AKAP13: variants seen among roughly 807,000 people sequenced by gnomAD.
AKAP13 encodes the protein A-kinase anchor protein 13.
Under a neutral mutation model 264.5 loss-of-function variants are expected in AKAP13, and 80 were observed. The observed-to-expected ratio is 0.30, with a 90% CI of 0.25 to 0.36. The LOEUF is 0.36. AKAP13 is among the 10% of genes least tolerant of loss of function. The pLI, the probability that AKAP13 is intolerant of heterozygous loss-of-function variation, is 1.00. For missense variants in AKAP13, 3,712 were observed against 3,435.2 expected, an observed-to-expected ratio of 1.08 and a Z score of -2.01; for synonymous variants, 1,380 against 1,250.2, an observed-to-expected ratio of 1.10 and a Z score of -2.19.
intron 5 of AKAP13, among the ~76,000 whole-genome samples, chr15:85,548,627 C>T (rs1032739865): frequency 6.6e-6 from 1 of 152,040 alleles, no homozygotes; most frequent in African/African-American, 2.4e-5. Flanking sequence ...CTTTGTTAAA[C>T]TCTAAGATAC....
At chr15:85,719,365 G>A in intron 23 of AKAP13, 39 bp downstream of exon 23, 1 of 1,602,966 alleles carries the variant, frequency 6.2e-7, no homozygotes, top group South Asian at 1.1e-5. Flanking sequence ...ACATACACTG[G>A]GAAAAAGGGA....
intron 8 of AKAP13, among the ~76,000 whole-genome samples, chr15:85,595,529 A>G (rs1246334355): frequency 6.6e-6 from 1 of 152,246 alleles, no homozygotes; most frequent in African/African-American, 2.4e-5. Flanking sequence ...GAGACATGTT[A>G]TCAGATACCA....
At chr15:85,395,178 AAGG>A (rs2071052883) in intron 1 of AKAP13, among the ~76,000 whole-genome samples, 1 of 152,190 alleles carries the variant, frequency 6.6e-6, no homozygotes, top group Non-Finnish European at 1.5e-5. Context: ...TGATCTCAGA[AAGG>A]AGAAGAATTC....
At chr15:85,633,381 A>AT (rs1171869615) in intron 8 of AKAP13, among the ~76,000 whole-genome samples, 1 of 151,072 alleles carries the variant, frequency 6.6e-6, no homozygotes, top group African/African-American at 2.4e-5. Flanking sequence ...GGGGGGAGTA[A>AT]TTTTTTCCCT....
In AKAP13 at chr15:85,708,011, CT is replaced by C. The variant is rs1408324259; in HGVS notation, c.5465-4del. The C allele has an allele frequency of 3.7e-6, 6 of 1,613,560 alleles. No homozygotes were observed. The African/African-American group carries it at 8.0e-5, about 22-fold the overall frequency. On this transcript the variant is annotated splice_polypyrimidine_tract_variant and splice_region_variant and intron_variant, in intron 17 of 36. Transcript: ENST00000394518. The surrounding 1 kb of genome is among the most constrained non-coding windows in gnomAD (Gnocchi z 4.3). ...GTCCATGTGACCTTGGGTTTGCTTT[CT>C]TTTCAGATTGCAGTGCTTTTGTCCA...
At chr15:85,399,984 T>C (rs1244240298) in intron 1 of AKAP13, among the ~76,000 whole-genome samples, 2 of 152,198 alleles carry the variant, frequency 1.3e-5, no homozygotes, top group Admixed American at 6.5e-5. Flanking sequence ...TTTCTAGAGA[T>C]GGTGTCTCGC....
intron 1 of AKAP13, among the ~76,000 whole-genome samples, chr15:85,444,968 G>A (rs1263915058): frequency 1.3e-5 from 2 of 152,092 alleles, no homozygotes; most frequent in African/African-American, 2.4e-5. Context: ...TTGCAAAGGG[G>A]TCATGCATGT....
chr15:85,737,774 AC>A (rs1211121371), intron 33 of AKAP13, among the ~76,000 whole-genome samples: 3 of 152,070 alleles, frequency 2.0e-5, no homozygotes, highest in African/African-American at 2.4e-5. Flanking sequence ...AGTAGCTGGG[AC>A]TACAGGCCCG....
In AKAP13 at chr15:85,655,723, T is replaced by A; in HGVS notation, c.4681T>A (p.Phe1561Ile). 1 of 1,613,824 alleles carries A rather than the reference T, an allele frequency of 6.2e-7. No individual in the cohort carries two copies. The highest frequency in any genetic ancestry group is 1.1e-5 in the South Asian group (1 of 91,070). ...LRSSMRSLSPFRRHSWGPGKN... is the reference protein window; with the variant it reads ...LRSSMRSLSPIRRHSWGPGKN... ...GAGCTCCATGCGCTCTCTTTCTCCC[T>A]TCCGGAGGCACAGCTGGGGGCCTGG... Residue 1561 changes from phenylalanine (F) to isoleucine (I), a missense_variant, in exon 11 of 37, where the codon TTC becomes ATC. Transcript: ENST00000394518.
Position 85,736,154 on chromosome 15 carries a change from T to C in AKAP13, c.7557+20T>C. The C allele has an allele frequency of 6.4e-7, 1 of 1,574,014 alleles. No individual in the cohort carries two copies. The highest frequency in any genetic ancestry group is 1.1e-5 in the South Asian group (1 of 87,990). On this transcript the variant is annotated intron_variant, in intron 33 of 36. Transcript: ENST00000394518. ...AGTGAGGTAAGGACATTATGAACTA[T>C]TTAAGAAAATATGTGTTTGTTGTCA... is the stretch of plus-strand genomic sequence containing the variant.
chr15:85,472,097 A>G (rs78229200), intron 1 of AKAP13, among the ~76,000 whole-genome samples: 19,542 of 152,034 alleles, frequency 0.13, 1,637 homozygotes, highest in Non-Finnish European at 0.19. Context: ...ATGGTTTTTT[A>G]TGCTGTTACA....
intron 1 of AKAP13, among the ~76,000 whole-genome samples, chr15:85,401,886 C>G (rs923980636): frequency 3.9e-5 from 6 of 151,934 alleles, no homozygotes; most frequent in Admixed American, 2.0e-4. Flanking sequence ...AATAAGAATG[C>G]CAGATTAAAA....
rs550849530 is a variant in AKAP13 at position 85,414,935 on chromosome 15, G to A, written c.-12+34137G>A. 3.4e-5 allele frequency among the ~76,000 whole-genome samples: 3 copies of A among 88,630 alleles called. No homozygotes were observed. The South Asian group carries it at 8.5e-4, about 25-fold the overall frequency. The allele number at this position is 88,630 out of a possible 152,430, so 58.1% of individuals were successfully genotyped here. A position where few individuals can be genotyped will look rare whatever the true frequency, so the allele number is the denominator to read the frequency against. ...GATTCTGGGATTGTTATATGCAATT[G>A]GTGCTTTAGGATGGGAGAAAATCAC... On this transcript the variant is annotated intron_variant, in intron 1 of 36. Coordinates refer to ENST00000394518, the MANE Select transcript of AKAP13 (RefSeq NM_007200.5).
chr15:85,446,414 G>A lies in AKAP13; in HGVS notation c.-11-39296G>A, dbSNP rs911643855. Reference sequence around the variant, plus strand: ...TTTTATGAGAGCTTGAGGTGAGACCGTTAATGAGGATAAAGGACAACGAAT... The same window carrying A: ...TTTTATGAGAGCTTGAGGTGAGACCATTAATGAGGATAAAGGACAACGAAT... On this transcript the variant is annotated intron_variant, in intron 1 of 36. Coordinates refer to ENST00000394518, the MANE Select transcript of AKAP13 (RefSeq NM_007200.5). Among the ~76,000 whole-genome samples, 12 of 152,296 alleles carry A rather than the reference G, an allele frequency of 7.9e-5. No homozygotes were observed. The South Asian group carries it at 1.0e-3, about 13-fold the overall frequency.
intron 1 of AKAP13, among the ~76,000 whole-genome samples, chr15:85,439,870 A>G (rs1483474498): frequency 3.4e-5 from 5 of 149,216 alleles, no homozygotes; most frequent in Admixed American, 2.7e-4. Flanking sequence ...ACCTAATGCT[A>G]GATGACGAGT....
chr15:85,665,880 T>A (rs1190810757), intron 13 of AKAP13, among the ~76,000 whole-genome samples: 1 of 152,230 alleles, frequency 6.6e-6, no homozygotes, highest in Non-Finnish European at 1.5e-5. Flanking sequence ...TATGGCTACA[T>A]AGTATTCCAT....
At chr15:85,692,653 C>G (rs1239606032) in intron 16 of AKAP13, among the ~76,000 whole-genome samples, 1 of 152,036 alleles carries the variant, frequency 6.6e-6, no homozygotes, top group Non-Finnish European at 1.5e-5. Flanking sequence ...AAAATTAGGG[C>G]AAAGTTAATA....
intron 1 of AKAP13, among the ~76,000 whole-genome samples, chr15:85,465,598 G>A (rs1206300283): frequency 8.1e-5 from 12 of 147,938 alleles, no homozygotes; most frequent in African/African-American, 2.3e-4. Context: ...GAGAACATGC[G>A]GTGTTTGGTT....
At position 85,741,382 on chromosome 15, in the gene AKAP13, T is replaced by C; in HGVS notation, c.7945T>C (p.Tyr2649His). The change falls in exon 35 of 37, where the codon TAT (tyrosine) becomes CAT (histidine). Residue 2649 changes from tyrosine (Y) to histidine (H), a missense_variant. Physicochemically the swap from Tyr to His is moderately conservative, Grantham distance 83. This residue lies in a region of AKAP13 where 611 missense variants were observed against 539.3 expected (regional missense o/e 1.13). Transcript: ENST00000394518. ...CCAGCAGAAGAAGGGCACATACCAG[T>C]ATGACCTGGAGCGACTGCGTGCTGC... ...ELQQKKGTYQ[Y>H]DLERLRAAQK... 1.2e-6 allele frequency: 2 copies of C among 1,613,918 alleles called. No homozygotes were observed. Among genetic ancestry groups the C allele is most frequent in the Non-Finnish European group, 1.7e-6 (2 of 1,179,990 alleles).
Sources: gnomAD v4.1 joint callset for allele counts (sites outside exome capture counted in the v4.1 genomes callset) on GRCh38, gnomAD v4.1.1 for gene constraint, gnomAD v4.1.1 regional missense constraint, Gnocchi (gnomAD v3.1) non-coding constraint, MANE v1.5 for transcripts, NCBI Gene and HGNC (gene_info 2026-07-23, HGNC 2026-07-21) for gene names.